Variants in PCDHA1 observed in about 807,000 individuals in gnomAD.
PCDHA1 encodes protocadherin alpha-1.
PCDHA1 carries 42 observed loss-of-function variants against 61.3 expected under a neutral mutation model. The ratio of observed to expected loss-of-function variants is 0.69; its 90% CI spans 0.54 to 0.89. The LOEUF (loss-of-function observed/expected upper bound fraction) is 0.89. Among genes scored for constraint, PCDHA1 ranks in the 40% least tolerant of loss-of-function variants. The pLI is 0.00. For missense variants in PCDHA1, 1,256 were observed against 1,235.3 expected, an observed-to-expected ratio of 1.02 and a Z score of -0.25; for synonymous variants, 610 against 553.8, an observed-to-expected ratio of 1.10 and a Z score of -1.43.
chr5:140,862,475 C>T (rs1252932396), intron 1 of PCDHA1: 2 of 377,970 alleles, frequency 5.3e-6, no homozygotes, highest in African/African-American at 4.2e-5. Flanking sequence ...GCAAATCTAT[C>T]CATTGTTGGT....
chr5:140,847,343 G>C (rs1554141738), intron 1 of PCDHA1: 1 of 149,722 alleles, frequency 6.7e-6, no homozygotes, highest in Non-Finnish European at 1.5e-5. Flanking sequence ...CACCTCTTAG[G>C]CTGTTATCAG....
intron 1 of PCDHA1, among the ~76,000 whole-genome samples, chr5:140,950,273 T>G (rs1218178621): frequency 6.6e-5 from 10 of 152,008 alleles, no homozygotes; most frequent in African/African-American, 1.9e-4. Flanking sequence ...CCATAATGTC[T>G]TTTTGCTTCA....
chr5:140,927,363 GAT>G (rs1188531316), intron 1 of PCDHA1: 33 of 1,613,946 alleles, frequency 2.0e-5, no homozygotes, highest in Non-Finnish European at 2.7e-5. Context: ...GAAGCAATGG[GAT>G]ACTAAGCTAC....
intron 1 of PCDHA1, chr5:140,864,867 C>A (rs868913325): frequency 3.9e-5 from 6 of 152,058 alleles, no homozygotes; most frequent in South Asian, 2.1e-4. Context: ...AAGGGTGATA[C>A]CATTGTCTGT....
intron 1 of PCDHA1, among the ~76,000 whole-genome samples, chr5:140,951,423 C>T (rs1324305371): frequency 6.6e-6 from 1 of 152,014 alleles, no homozygotes; most frequent in Non-Finnish European, 1.5e-5. Flanking sequence ...CTCACAGTTC[C>T]ACAGGCTGTA....
At chr5:140,796,125 C>G (rs782297262) in intron 1 of PCDHA1, 1 of 1,614,122 alleles carries the variant, frequency 6.2e-7, no homozygotes, top group Admixed American at 1.7e-5. Flanking sequence ...ATGTCACCTG[C>G]TCCCTGACGC....
intron 1 of PCDHA1, among the ~76,000 whole-genome samples, chr5:140,932,112 T>C (rs1211067626): frequency 6.6e-6 from 1 of 151,944 alleles, no homozygotes; most frequent in African/African-American, 2.4e-5. Flanking sequence ...GTATTTCCAA[T>C]TGATAATATT....
rs1181664726 is a variant in PCDHA1 at position 140,982,480 on chromosome 5, T to C, written c.2459T>C (p.Val820Ala). ...GGGTCTGTGTGTTTATTCAGCTCTG[T>C]GCACCTAGAGGAGGCTGGCATTCTA... ...ASLRAGMHSS[V>A]HLEEAGILRA... is the part of the protein sequence containing the mutation. The change falls in exon 3 of 4, where the codon GTG (valine) becomes GCG (alanine). Residue 820 changes from valine (V) to alanine (A), a missense_variant. Coordinates refer to ENST00000504120, the MANE Select transcript of PCDHA1 (RefSeq NM_018900.4). 5.0e-6 allele frequency: 8 copies of C among 1,614,216 alleles called. No individual in the cohort carries two copies. Among genetic ancestry groups the C allele is most frequent in the Non-Finnish European group, 6.8e-6 (8 of 1,180,038 alleles).
intron 1 of PCDHA1, among the ~76,000 whole-genome samples, chr5:140,939,296 C>T (rs2153640792): frequency 6.6e-6 from 1 of 152,210 alleles, no homozygotes; most frequent in South Asian, 2.1e-4. Flanking sequence ...CTAATCATCT[C>T]TACAAAAGCC....
At chr5:140,843,543 G>A (rs2150362370) in intron 1 of PCDHA1, 1 of 1,595,904 alleles carries the variant, frequency 6.3e-7, no homozygotes, top group Non-Finnish European at 8.6e-7. Context: ...ACTCTGGTGT[G>A]CTCCAGTGCG....
rs17119229 is a variant in PCDHA1, at chr5:140,842,497, T to C, written c.2394+53813T>C. ...AGGTGACCTGCTCCCTGATGCCCCA[T>C]GTCCCCTTCAAGCTGGTGTCCACCT... is the stretch of plus-strand genomic sequence containing the variant. On this transcript the variant is annotated intron_variant, in intron 1 of 3. Transcript: ENST00000504120. 27 of 1,613,862 alleles carry C rather than the reference T, an allele frequency of 1.7e-5. No homozygotes were observed. The South Asian group carries it at 1.8e-4, about 11-fold the overall frequency.
chr5:140,818,380 G>A (rs2150101126), intron 1 of PCDHA1, among the ~76,000 whole-genome samples: 4 of 152,192 alleles, frequency 2.6e-5, no homozygotes, highest in African/African-American at 9.6e-5. Context: ...TTGAATCGTG[G>A]CATTTTTCCA....
intron 1 of PCDHA1, among the ~76,000 whole-genome samples, chr5:140,891,408 C>G (rs1341322877): frequency 2.0e-5 from 3 of 147,046 alleles, no homozygotes; most frequent in Admixed American, 6.8e-5. Flanking sequence ...TCGCCACCCC[C>G]CACTCTTGCC....
chr5:140,935,765 A>G (rs1554210670), intron 1 of PCDHA1, among the ~76,000 whole-genome samples: 1 of 152,080 alleles, frequency 6.6e-6, no homozygotes, highest in Non-Finnish European at 1.5e-5. Flanking sequence ...ATTCTTCCCC[A>G]CTTTGAGTTT....
At chr5:140,864,577 A>G (rs1554158987) in intron 1 of PCDHA1, 2 of 152,198 alleles carry the variant, frequency 1.3e-5, no homozygotes, top group African/African-American at 4.8e-5. Context: ...TTGTCTTCAC[A>G]ATCTTCAACT....
chr5:140,813,190 T>C (rs1056157479), intron 1 of PCDHA1: 3 of 152,244 alleles, frequency 2.0e-5, no homozygotes, highest in South Asian at 4.1e-4. Flanking sequence ...CTCTGCTTCC[T>C]TGCTGATTTT....
intron 1 of PCDHA1, among the ~76,000 whole-genome samples, chr5:140,923,268 G>C (rs2081286092): frequency 6.6e-6 from 1 of 152,154 alleles, no homozygotes; most frequent in Non-Finnish European, 1.5e-5. Context: ...GTGAGACCTT[G>C]TCTCTACAAA....
chr5:140,830,895 T>C (rs2150190281), intron 1 of PCDHA1: 4 of 152,692 alleles, frequency 2.6e-5, no homozygotes, highest in Non-Finnish European at 2.9e-5. Flanking sequence ...GTATCACTTA[T>C]GTTTTTACAC....
intron 1 of PCDHA1, chr5:140,841,561 G>T (rs2150318242): frequency 8.1e-6 from 13 of 1,613,932 alleles, no homozygotes; most frequent in Non-Finnish European, 1.1e-5. Context: ...TAAGTCTGCA[G>T]AATGGCATTT....
Sources: allele counts gnomAD v4.1 joint callset (sites outside exome capture counted in the v4.1 genomes callset), GRCh38; gene constraint gnomAD v4.1.1; transcripts MANE v1.5; gene names NCBI Gene and HGNC (gene_info 2026-07-23, HGNC 2026-07-21).